The following NUP210L variants were observed in gnomAD, a reference collection of about 807,000 sequenced individuals.
NUP210L encodes the protein nuclear pore membrane glycoprotein 210-like.
A neutral mutation model predicts 208.5 loss-of-function variants in NUP210L; 74 were observed. The observed-to-expected ratio is 0.35, with a 90% confidence interval of 0.29 to 0.43. The LOEUF (loss-of-function observed/expected upper bound fraction) is 0.43, where lower values mean the gene tolerates loss of function less well. Among genes scored for constraint, NUP210L ranks in the 20% least tolerant of loss-of-function variants. NUP210L has a pLI of 1.00. For synonymous variants in NUP210L, 780 were observed against 816.9 expected (o/e 0.95, Z 0.77); for missense variants, 1,843 against 2,289.4 (o/e 0.81, Z 3.98).
At chr1:154,098,909 C>T (rs772706114) in intron 14 of NUP210L, among the ~76,000 whole-genome samples, 7 of 152,194 alleles carry the variant, frequency 4.6e-5, no homozygotes, top group Non-Finnish European at 8.8e-5. Context: ...GGGCCAGTGC[C>T]GAGCTGCCCT....
At chr1:154,102,079 A>T (rs1427548256) in intron 13 of NUP210L, among the ~76,000 whole-genome samples, 1 of 152,168 alleles carries the variant, frequency 6.6e-6, no homozygotes, top group Non-Finnish European at 1.5e-5. Context: ...TGAACCTGGG[A>T]GGTAGAGGTT....
chr1:154,061,124 T>A lies in NUP210L; in HGVS notation c.2644-78A>T, dbSNP rs1428403583. On this transcript the variant is annotated intron_variant, in intron 18 of 39. Coordinates refer to ENST00000368559, the Ensembl canonical transcript of NUP210L. Reference sequence around the variant, plus strand: ...CGCCCACGGTGGCTTACGCTTGTAATCCCAGCACTTTGGGAGGGTAAGGCA... The same window carrying A: ...CGCCCACGGTGGCTTACGCTTGTAAACCCAGCACTTTGGGAGGGTAAGGCA... 37 of 975,206 alleles carry A rather than the reference T, an allele frequency of 3.8e-5. No individual in the cohort carries two copies. In the East Asian group the frequency reaches 8.8e-4, roughly 23 times the overall value. 60.4% of individuals were successfully genotyped at this position (975,206 alleles called of 1,614,324 possible). A position where few individuals can be genotyped will look rare whatever the true frequency, so the allele number is the denominator to read the frequency against.
At chr1:154,106,602 G>A (rs1233399487) in intron 12 of NUP210L, among the ~76,000 whole-genome samples, 1 of 152,238 alleles carries the variant, frequency 6.6e-6, no homozygotes, top group Non-Finnish European at 1.5e-5. Context: ...AGTCCTAGTG[G>A]TGGTGGCCAC....
At chr1:154,021,990 C>T (rs1651593445) in intron 32 of NUP210L, 136 bp downstream of exon 32, 2 of 762,934 alleles carry the variant, frequency 2.6e-6, no homozygotes, top group Non-Finnish European at 4.2e-6. Context: ...CCAGCTTGGC[C>T]TCCCAAAGGG....
chr1:154,126,709 T>C (rs999997913), intron 9 of NUP210L, among the ~76,000 whole-genome samples: 1 of 152,160 alleles, frequency 6.6e-6, no homozygotes, highest in Non-Finnish European at 1.5e-5. Flanking sequence ...TATGCAAATT[T>C]TAGTGTAATT....
At chr1:154,013,311 T>C (rs965165775) in intron 33 of NUP210L, among the ~76,000 whole-genome samples, 3 of 152,100 alleles carry the variant, frequency 2.0e-5, no homozygotes, top group Non-Finnish European at 2.9e-5. Context: ...CGGTGGCTCA[T>C]GCCTGTAATC....
At chr1:154,102,160 A>T (rs1471187182) in intron 13 of NUP210L, among the ~76,000 whole-genome samples, 1 of 152,136 alleles carries the variant, frequency 6.6e-6, no homozygotes, top group East Asian at 1.9e-4. Flanking sequence ...CAAAAAAACA[A>T]AACAAAAATT....
chr1:154,078,618 A>G (rs1655161627), intron 16 of NUP210L, among the ~76,000 whole-genome samples: 1 of 151,790 alleles, frequency 6.6e-6, no homozygotes, highest in African/African-American at 2.4e-5. Flanking sequence ...AGAAAACAAT[A>G]TATATATTTA....
intron 27 of NUP210L, among the ~76,000 whole-genome samples, chr1:154,031,381 C>T (rs546521754): frequency 6.6e-6 from 1 of 152,086 alleles, no homozygotes; most frequent in Non-Finnish European, 1.5e-5. Context: ...TGAGCCATTG[C>T]ACCTGGCCTA....
intron 13 of NUP210L, among the ~76,000 whole-genome samples, chr1:154,103,564 C>T (rs372397947): frequency 2.4e-5 from 3 of 125,658 alleles, no homozygotes; most frequent in East Asian, 2.5e-4. Flanking sequence ...CCCAGCTACT[C>T]GGGAGGCTGA....
chr1:154,125,718 GAAGGAAGGAAGGA>G (rs1657896568), intron 10 of NUP210L, among the ~76,000 whole-genome samples: 1 of 50,232 alleles, frequency 2.0e-5, no homozygotes, highest in Non-Finnish European at 4.2e-5. Flanking sequence ...AGGAAGGAAG[GAAGGAAGGAAGGA>G]AGGAAGGGAG....
At chr1:154,125,222 G>A (rs1657825109) in intron 10 of NUP210L, among the ~76,000 whole-genome samples, 3 of 152,120 alleles carry the variant, frequency 2.0e-5, no homozygotes, top group South Asian at 4.2e-4. Flanking sequence ...GGGTGAGGCG[G>A]GTGAATCACT....
chr1:154,039,460 T>C (rs1652742701), intron 27 of NUP210L, among the ~76,000 whole-genome samples: 1 of 152,148 alleles, frequency 6.6e-6, no homozygotes, highest in Non-Finnish European at 1.5e-5. Context: ...GGTCTCGAAC[T>C]CCTGACCTCA....
At chr1:153,999,816 A>G (rs1650105270) in intron 37 of NUP210L, among the ~76,000 whole-genome samples, 1 of 150,706 alleles carries the variant, frequency 6.6e-6, no homozygotes, top group Admixed American at 6.6e-5. Context: ...TTAAACTGAC[A>G]ACTATTCTTT....
At chr1:153,997,626 A>G (rs540015826) in intron 37 of NUP210L, among the ~76,000 whole-genome samples, 1 of 150,018 alleles carries the variant, frequency 6.7e-6, no homozygotes, top group Non-Finnish European at 1.5e-5. Context: ...ACACCTGGCT[A>G]ATTATTTTGT....
Position 154,141,409 on chromosome 1 carries a change from TTA to T in NUP210L, c.566+20_566+21del, listed in dbSNP as rs1658846603. 1 of 1,437,156 alleles carries T rather than the reference TTA, an allele frequency of 7.0e-7. No homozygotes were observed. Among genetic ancestry groups the T allele is most frequent in the Admixed American group, 1.7e-5 (1 of 59,724 alleles). The allele number at this position is 1,437,156 out of a possible 1,614,324, so 89.0% of individuals were successfully genotyped here. ...GATGTCTTCTTCATAGTCAGATGAT[TTA>T]TGTTTGGTTTCAAGTTTACCTAATT... On this transcript the variant is annotated intron_variant, in intron 4 of 39. Coordinates refer to ENST00000368559, the Ensembl canonical transcript of NUP210L.
chr1:154,020,414 G>A (rs542590182), intron 32 of NUP210L, among the ~76,000 whole-genome samples: 4 of 152,216 alleles, frequency 2.6e-5, no homozygotes, highest in South Asian at 4.1e-4. Context: ...GCAGTAGTGC[G>A]ATCATAGCTT....
At chr1:154,027,714 T>C (rs1651978455) in intron 28 of NUP210L, 117 bp from the exon 29 acceptor site, 6 of 630,296 alleles carry the variant, frequency 9.5e-6, no homozygotes, top group Non-Finnish European at 1.6e-5. Context: ...CAACTACGAA[T>C]CAACAGTCTG....
At position 154,030,210 on chromosome 1, in the gene NUP210L, G is replaced by A. The variant is rs746344994; in HGVS notation, c.3697-156C>T. On this transcript the variant is annotated intron_variant, in intron 27 of 39. Transcript: ENST00000368559. ...CGAGGGATAGAAGACTACAAATAGGGAGCAGTGTATACTGCTTGGGTGATG... is the reference window on the plus strand; with the variant it reads ...CGAGGGATAGAAGACTACAAATAGGAAGCAGTGTATACTGCTTGGGTGATG... 2.0e-5 allele frequency among the ~76,000 whole-genome samples: 3 copies of A among 151,946 alleles called. No individual in the cohort carries two copies. In the South Asian group the frequency reaches 6.2e-4, roughly 32 times the overall value.
Sources: gnomAD v4.1 joint callset for allele counts (sites outside exome capture counted in the v4.1 genomes callset) on GRCh38, gnomAD v4.1.1 for gene constraint, MANE v1.5 for transcripts, NCBI Gene and HGNC (gene_info 2026-07-23, HGNC 2026-07-21) for gene names.